Variants in UBAC2 observed in about 807,000 individuals in gnomAD.
The protein encoded by UBAC2 is ubiquitin-associated domain-containing protein 2.
UBAC2 carries 26 observed loss-of-function variants against 44.0 expected under a neutral mutation model. The ratio of observed to expected loss-of-function variants is 0.59; its 90% CI spans 0.43 to 0.82. The LOEUF is 0.82. Ranked by LOEUF, UBAC2 falls within the 40% of genes least tolerant of loss-of-function variation. The pLI is 0.00. For missense variants in UBAC2, 329 were observed against 419.4 expected (o/e 0.78, Z 1.88); for synonymous variants, 155 against 154.3 (o/e 1.00, Z -0.04).
In UBAC2 at chr13:99,229,659, G is replaced by A. The variant is rs374349786; in HGVS notation, c.32-8768G>A. Among the ~76,000 whole-genome samples the A allele has an allele frequency of 2.8e-4, 42 of 152,328 alleles. 1 individual carries two copies. In the East Asian group the frequency reaches 4.8e-3, roughly 17 times the overall value. ...GTGATGCAGGACCGTAAAAATGACC[G>A]TGCAAGTTGAAACCGGGCAAAGCTA... On this transcript the variant is annotated intron_variant, in intron 1 of 8. Coordinates refer to ENST00000403766, the MANE Select transcript of UBAC2 (RefSeq NM_001144072.2).
chr13:99,365,430 CAA>C (rs1163423384), intron 7 of UBAC2, among the ~76,000 whole-genome samples: 3 of 151,986 alleles, frequency 2.0e-5, no homozygotes, highest in African/African-American at 7.2e-5. Context: ...AATTTAATCT[CAA>C]TATTTAAAAA....
At position 99,295,837 on chromosome 13, in the gene UBAC2, C is replaced by T. The variant is rs781377492; in HGVS notation, c.390-18260C>T. 4 of 1,606,154 alleles carry T rather than the reference C, an allele frequency of 2.5e-6. No homozygotes were observed. The African/African-American group carries it at 5.4e-5, about 21-fold the overall frequency. ...AAAACACTAGCGCAGTTATCCTACA[C>T]AAGGCATCTCCGATTCTCCAGTCAA... is the stretch of plus-strand genomic sequence containing the variant. On this transcript the variant is annotated intron_variant, in intron 4 of 8. Coordinates refer to ENST00000403766, the MANE Select transcript of UBAC2 (RefSeq NM_001144072.2). This position sits in a 1 kb window ranked among gnomAD's most constrained non-coding sequence, Gnocchi z 4.1.
intron 4 of UBAC2, among the ~76,000 whole-genome samples, chr13:99,268,658 A>G (rs1438056586): frequency 6.6e-6 from 1 of 151,430 alleles, no homozygotes; most frequent in Non-Finnish European, 1.5e-5. Context: ...TAAAGAAGGT[A>G]AGAGAGAGAA....
intron 7 of UBAC2, among the ~76,000 whole-genome samples, chr13:99,359,152 C>A (rs1237432893): frequency 6.6e-6 from 1 of 152,140 alleles, no homozygotes; most frequent in South Asian, 2.1e-4. Flanking sequence ...GCCACAAAGC[C>A]TGGGGAAGAG....
chr13:99,334,488 T>C (rs1417006487), intron 6 of UBAC2, among the ~76,000 whole-genome samples: 1 of 152,190 alleles, frequency 6.6e-6, no homozygotes, highest in African/African-American at 2.4e-5. Context: ...AAAGTTGGAG[T>C]TTCCAAGAAC....
intron 6 of UBAC2, among the ~76,000 whole-genome samples, chr13:99,324,641 A>G (rs1319806873): frequency 6.6e-6 from 1 of 152,252 alleles, no homozygotes. Context: ...AACCTGAGGA[A>G]CTACGGAATA....
At chr13:99,267,933 A>C (rs905324982) in intron 4 of UBAC2, among the ~76,000 whole-genome samples, 1 of 152,270 alleles carries the variant, frequency 6.6e-6, no homozygotes, top group South Asian at 2.1e-4. Flanking sequence ...CAGGCTCTGT[A>C]CCGGTAAGTC....
intron 4 of UBAC2, among the ~76,000 whole-genome samples, chr13:99,262,477 T>C (rs886878506): frequency 2.6e-5 from 4 of 151,404 alleles, no homozygotes; most frequent in Non-Finnish European, 5.9e-5. Flanking sequence ...CTGAGGCGGG[T>C]GGATCACCTG....
intron 7 of UBAC2, among the ~76,000 whole-genome samples, chr13:99,367,510 T>C (rs1324582381): frequency 6.6e-6 from 1 of 152,184 alleles, no homozygotes; most frequent in Non-Finnish European, 1.5e-5. Flanking sequence ...GTCTGTACAG[T>C]GTCTTTCACT....
chr13:99,265,001 GTA>G (rs1401462205), intron 4 of UBAC2, among the ~76,000 whole-genome samples: 1 of 146,364 alleles, frequency 6.8e-6, no homozygotes, highest in African/African-American at 2.5e-5. Flanking sequence ...TCTTCAGTGT[GTA>G]TGTTTTTTAC....
At chr13:99,246,357 G>T (rs2043383288) in intron 4 of UBAC2, among the ~76,000 whole-genome samples, 1 of 152,204 alleles carries the variant, frequency 6.6e-6, no homozygotes, top group South Asian at 2.1e-4. Context: ...TGAGTATTCT[G>T]TTATTGGGGA....
chr13:99,364,041 G>C (rs1396218719), intron 7 of UBAC2, among the ~76,000 whole-genome samples: 1 of 152,042 alleles, frequency 6.6e-6, no homozygotes, highest in Non-Finnish European at 1.5e-5. Context: ...CTCATGCTTT[G>C]AGAGACATTT....
intron 7 of UBAC2, among the ~76,000 whole-genome samples, chr13:99,358,052 G>A (rs540063569): frequency 1.3e-5 from 2 of 152,322 alleles, no homozygotes; most frequent in African/African-American, 4.8e-5. Flanking sequence ...AATGGGATGT[G>A]CTGAGAGCTG....
intron 7 of UBAC2, chr13:99,356,355 G>A: frequency 2.8e-6 from 1 of 359,436 alleles, no homozygotes; most frequent in South Asian, 2.3e-5. Flanking sequence ...GCAAGACAGA[G>A]GAAGAAGAGA....
rs1566509471 is a variant in UBAC2, at chr13:99,338,039, C to CTTTTTTCTT, written c.562-2275_562-2274insCTTTTTTTT. On this transcript the variant is annotated intron_variant, in intron 6 of 8. Transcript: ENST00000403766. ...GCAAAAAAATCTCCTAACTTTTTTT[C>CTTTTTTCTT]TTTTTTTCTTTTTTTTTTTTTTTTT... 6.4e-4 allele frequency among the ~76,000 whole-genome samples: 59 copies of CTTTTTTCTT among 91,554 alleles called. 1 individual carries two copies. Among genetic ancestry groups the CTTTTTTCTT allele is most frequent in the African/African-American group, 1.3e-3 (25 of 19,862 alleles). The allele number at this position is 91,554 out of a possible 152,430, so 60.1% of individuals were successfully genotyped here. A position where few individuals can be genotyped will look rare whatever the true frequency, so the allele number is the denominator to read the frequency against.
intron 2 of UBAC2, among the ~76,000 whole-genome samples, chr13:99,241,573 TC>T (rs1208392051): frequency 6.6e-6 from 1 of 152,192 alleles, no homozygotes; most frequent in Non-Finnish European, 1.5e-5. Flanking sequence ...GAATAGTGTT[TC>T]CTGGGGCTAA....
intron 4 of UBAC2, among the ~76,000 whole-genome samples, chr13:99,281,627 A>G (rs2043955346): frequency 6.6e-6 from 1 of 152,246 alleles, no homozygotes; most frequent in African/African-American, 2.4e-5. Flanking sequence ...ATAAATTGAT[A>G]AAAGAAAAAT....
At position 99,322,700 on chromosome 13, in the gene UBAC2, A is replaced by G. The variant is rs77121709; in HGVS notation, c.561+4631A>G. Among the ~76,000 whole-genome samples, 73 of 152,308 alleles carry G rather than the reference A, an allele frequency of 4.8e-4. 1 individual carries two copies. The highest frequency in any genetic ancestry group is 1.7e-3 in the African/African-American group (72 of 41,558). On this transcript the variant is annotated intron_variant, in intron 6 of 8. Transcript: ENST00000403766. ...GAAAAAAAACAATCTGTTACACCCA[A>G]AAGTAAGATTTGGGACTTCAAATGT...
intron 7 of UBAC2, among the ~76,000 whole-genome samples, chr13:99,366,797 G>A (rs930544632): frequency 6.6e-6 from 1 of 152,140 alleles, no homozygotes; most frequent in Non-Finnish European, 1.5e-5. Flanking sequence ...CTGCTCCCCC[G>A]TCTCCCAGGC....
Sources: allele counts gnomAD v4.1 joint callset (sites outside exome capture counted in the v4.1 genomes callset), GRCh38; gene constraint gnomAD v4.1.1; non-coding constraint Gnocchi (gnomAD v3.1); transcripts MANE v1.5; gene names NCBI Gene and HGNC (gene_info 2026-07-23, HGNC 2026-07-21).